CFAP61: variants seen among roughly 807,000 people sequenced by gnomAD.
CFAP61 encodes cilia and flagella associated protein 61.
CFAP61 carries 107 observed loss-of-function variants against 135.6 expected under a neutral mutation model. The observed-to-expected ratio is 0.79, with a 90% CI of 0.67 to 0.93. The LOEUF (loss-of-function observed/expected upper bound fraction) is 0.93. CFAP61 is among the 40% of genes least tolerant of loss of function. The probability of loss-of-function intolerance (pLI) is 0.00; values close to 1 mark genes in which losing one functional copy is unlikely to be tolerated. For missense variants in CFAP61, 1,507 were observed against 1,556.2 expected, an observed-to-expected ratio of 0.97 and a Z score of 0.53; for synonymous variants, 575 against 578.5, an observed-to-expected ratio of 0.99 and a Z score of 0.09.
At chr20:20,063,533 C>T (rs1370712402) in intron 2 of CFAP61, among the ~76,000 whole-genome samples, 7 of 152,050 alleles carry the variant, frequency 4.6e-5, no homozygotes, top group East Asian at 1.9e-4. Flanking sequence ...CAAAATCATT[C>T]GATAAAATGC....
intron 17 of CFAP61, among the ~76,000 whole-genome samples, chr20:20,223,201 C>T (rs1313242170): frequency 1.3e-5 from 2 of 152,162 alleles, no homozygotes; most frequent in African/African-American, 4.8e-5. Flanking sequence ...GCCTGAAAAG[C>T]TCAAAGTATT....
intron 19 of CFAP61, among the ~76,000 whole-genome samples, chr20:20,248,527 C>T (rs1407820426): frequency 6.6e-6 from 1 of 152,164 alleles, no homozygotes; most frequent in Non-Finnish European, 1.5e-5. Context: ...GTGCTAATGG[C>T]ATGTCTGGGA....
intron 8 of CFAP61, among the ~76,000 whole-genome samples, chr20:20,117,633 A>G (rs2049252155): frequency 6.6e-6 from 1 of 152,110 alleles, no homozygotes; most frequent in African/African-American, 2.4e-5. Flanking sequence ...GAATGTCATT[A>G]GTATTTTGAT....
chr20:20,225,892 A>T (rs993227240), intron 17 of CFAP61: 1 of 152,232 alleles, frequency 6.6e-6, no homozygotes, highest in African/African-American at 2.4e-5. Flanking sequence ...ACTGGCACCC[A>T]GGTGAACCAG....
chr20:20,144,706 A>G (rs909595336), intron 9 of CFAP61, among the ~76,000 whole-genome samples: 14 of 152,168 alleles, frequency 9.2e-5, no homozygotes, highest in Admixed American at 3.3e-4. Context: ...ACACAAGAAC[A>G]TAAAGAAAAC....
chr20:20,262,815 T>TCAA, intron 20 of CFAP61, 141 bp from the exon 21 acceptor site: 1 of 424,918 alleles, frequency 2.4e-6, no homozygotes, highest in Non-Finnish European at 4.1e-6. Context: ...TTTTTTTTTT[T>TCAA]TTTCAATTAA....
chr20:20,347,344 A>G lies in CFAP61; in HGVS notation c.3513+5423A>G, dbSNP rs373585690. Among the ~76,000 whole-genome samples the G allele has an allele frequency of 6.6e-5, 10 of 152,334 alleles. 1 individual carries two copies. The highest frequency in any genetic ancestry group is 3.9e-4 in the East Asian group (2 of 5,182). ...GAACTAGAAAAAGAAAACCAAAGTA[A>G]GCCTAATGCCAGCAGAAGAAAATAA... On this transcript the variant is annotated intron_variant, in intron 26 of 26. Transcript: ENST00000245957.
In CFAP61 at chr20:20,199,759, G is replaced by A. The variant is rs2056510327; in HGVS notation, c.1798-9G>A. ...TCTCTCCCCTAAAATATAGATTGCTGTCTTTCAGTTCCAGAACCCCTACGC... is the reference window on the plus strand; with the variant it reads ...TCTCTCCCCTAAAATATAGATTGCTATCTTTCAGTTCCAGAACCCCTACGC... On this transcript the variant is annotated splice_polypyrimidine_tract_variant and intron_variant, in intron 16 of 26. Coordinates refer to ENST00000245957, the MANE Select transcript of CFAP61 (RefSeq NM_015585.4). The A allele has an allele frequency of 3.7e-6, 6 of 1,613,780 alleles. No homozygotes were observed. Among genetic ancestry groups the A allele is most frequent in the Non-Finnish European group, 5.1e-6 (6 of 1,179,932 alleles).
At chr20:20,104,681 TG>T (rs2048253438) in intron 8 of CFAP61, among the ~76,000 whole-genome samples, 1 of 152,214 alleles carries the variant, frequency 6.6e-6, no homozygotes, top group Non-Finnish European at 1.5e-5. Context: ...GGACTTAGTC[TG>T]CCAGGGCTGC....
intron 8 of CFAP61, among the ~76,000 whole-genome samples, chr20:20,102,617 T>C (rs974562252): frequency 6.6e-6 from 1 of 152,156 alleles, no homozygotes; most frequent in South Asian, 2.1e-4. Context: ...TTACTTTTCC[T>C]GATCCTCTCC....
chr20:20,063,943 C>G (rs139833842), intron 2 of CFAP61, among the ~76,000 whole-genome samples: 14 of 151,856 alleles, frequency 9.2e-5, no homozygotes, highest in African/African-American at 3.1e-4. Context: ...TATAAAGTAC[C>G]TAGTATAAAA....
intron 1 of CFAP61, among the ~76,000 whole-genome samples, chr20:20,054,779 G>A (rs527879398): frequency 6.6e-6 from 1 of 152,296 alleles, no homozygotes; most frequent in South Asian, 2.1e-4. Flanking sequence ...TAGACAGTCT[G>A]TCTTTTGTCA....
chr20:20,091,513 C>G (rs2047199311), intron 7 of CFAP61, among the ~76,000 whole-genome samples: 1 of 151,678 alleles, frequency 6.6e-6, no homozygotes, highest in Non-Finnish European at 1.5e-5. Flanking sequence ...CTGGCTCTCT[C>G]TCTCTCTCTC....
chr20:20,215,151 C>T (rs2047955761), intron 17 of CFAP61: 3 of 152,308 alleles, frequency 2.0e-5, no homozygotes, highest in Middle Eastern at 6.8e-3. Flanking sequence ...CTTGGCATCT[C>T]GTGACAGAGC....
At chr20:20,322,706 C>G (rs1170008352) in intron 25 of CFAP61, 1 of 985,298 alleles carries the variant, frequency 1.0e-6, no homozygotes, top group African/African-American at 1.7e-5. Context: ...CCTCAGAGTT[C>G]TGGCATCTTC....
At chr20:20,157,978 A>G (rs572708826) in intron 9 of CFAP61, among the ~76,000 whole-genome samples, 1 of 152,240 alleles carries the variant, frequency 6.6e-6, no homozygotes, top group African/African-American at 2.4e-5. Flanking sequence ...ATTCTCAGTA[A>G]ACTATCGCAA....
intron 17 of CFAP61, among the ~76,000 whole-genome samples, chr20:20,227,364 T>G (rs1337419992): frequency 6.6e-6 from 1 of 152,204 alleles, no homozygotes; most frequent in Non-Finnish European, 1.5e-5. Context: ...CAATGAGAAG[T>G]CAGCTGTAAT....
At chr20:20,238,423 T>C (rs1042210278) in intron 18 of CFAP61, among the ~76,000 whole-genome samples, 2 of 152,234 alleles carry the variant, frequency 1.3e-5, no homozygotes, top group Non-Finnish European at 2.9e-5. Context: ...GCAGAGGTTT[T>C]AGTAAATTAA....
chr20:20,342,009 C>A, intron 26 of CFAP61, 88 bp downstream of exon 26: 1 of 850,860 alleles, frequency 1.2e-6, no homozygotes, highest in South Asian at 1.9e-5. Context: ...TCCCTACATT[C>A]CCATTTTATG....
Sources: allele counts gnomAD v4.1 joint callset (sites outside exome capture counted in the v4.1 genomes callset), GRCh38; gene constraint gnomAD v4.1.1; transcripts MANE v1.5; gene names NCBI Gene and HGNC (gene_info 2026-07-23, HGNC 2026-07-21).